Variants in HERC1 observed in about 807,000 individuals in gnomAD.
The protein encoded by HERC1 is probable E3 ubiquitin-protein ligase HERC1.
A neutral mutation model predicts 554.3 loss-of-function variants in HERC1; 160 were observed. The observed-to-expected ratio is 0.29, with a 90% confidence interval of 0.25 to 0.33. The LOEUF (loss-of-function observed/expected upper bound fraction) is 0.33. Among genes scored for constraint, HERC1 ranks in the 10% least tolerant of loss-of-function variants. The pLI is 1.00. For synonymous variants in HERC1, 2,175 were observed against 2,131.7 expected, an observed-to-expected ratio of 1.02 and a Z score of -0.56; for missense variants, 4,919 against 5,918.5, an observed-to-expected ratio of 0.83 and a Z score of 5.54.
intron 27 of HERC1, 52 bp downstream of exon 27, chr15:63,696,072 G>T (rs2072395895): frequency 1.5e-6 from 2 of 1,304,620 alleles, no homozygotes; most frequent in Non-Finnish European, 1.1e-6. Context: ...TTATTAAAGT[G>T]GCTTTGTAAA....
At position 63,687,304 on chromosome 15, in the gene HERC1, C is replaced by A. The variant is rs570241528; in HGVS notation, c.6049-769G>T. Reference sequence around the variant, plus strand: ...CTTGTAATCCCAGCAATTTGAGAGACCGAAGCGGGCGGATCACAAGGTCAG... The same window carrying A: ...CTTGTAATCCCAGCAATTTGAGAGAACGAAGCGGGCGGATCACAAGGTCAG... On this transcript the variant is annotated intron_variant, in intron 33 of 77. Transcript: ENST00000443617. 2.0e-3 allele frequency among the ~76,000 whole-genome samples: 305 copies of A among 152,240 alleles called. 1 individual carries two copies. The highest frequency in any genetic ancestry group is 6.4e-3 in the African/African-American group (267 of 41,536).
chr15:63,635,530 G>A (rs949358944), intron 65 of HERC1, among the ~76,000 whole-genome samples: 4 of 152,132 alleles, frequency 2.6e-5, no homozygotes, highest in Non-Finnish European at 5.9e-5. Flanking sequence ...TAAACTATAA[G>A]GTGCTATACA....
In HERC1 at chr15:63,713,563, G is replaced by A. The variant is rs1407232897; in HGVS notation, c.4253C>T (p.Pro1418Leu). 3 of 1,613,824 alleles carry A rather than the reference G, an allele frequency of 1.9e-6. No homozygotes were observed. Among genetic ancestry groups the A allele is most frequent in the Non-Finnish European group, 2.5e-6 (3 of 1,179,882 alleles). Reference protein sequence around the residue: ...AGSGARADDPPPQSQQERRVS... With the variant: ...AGSGARADDPLPQSQQERRVS... The stretch of plus-strand genomic sequence containing the variant: ...CCTTCGCTCTTGCTGAGACTGAGGA[G>A]GTGGATCATCAGCTCGAGCCCCAGA... The change falls in exon 23 of 78, where the codon CCT becomes CTT. Residue 1418 changes from proline (P) to leucine (L), a missense_variant. This residue lies in a region of HERC1 where 1,121 missense variants were observed against 1,244.0 expected (regional missense o/e 0.90). Transcript: ENST00000443617.
At chr15:63,614,525 A>G (rs1000159348) in intron 76 of HERC1, among the ~76,000 whole-genome samples, 8 of 152,226 alleles carry the variant, frequency 5.3e-5, no homozygotes, top group Non-Finnish European at 1.0e-4. Context: ...TAGGCTAAAG[A>G]TATCATTTTT....
chr15:63,721,323 A>G (rs1003628238), intron 19 of HERC1, among the ~76,000 whole-genome samples: 5 of 152,178 alleles, frequency 3.3e-5, no homozygotes, highest in African/African-American at 1.2e-4. Context: ...CACGAGTTCG[A>G]GACCAGCCAT....
At chr15:63,786,123 G>C (rs1325208122) in intron 1 of HERC1, among the ~76,000 whole-genome samples, 1 of 152,154 alleles carries the variant, frequency 6.6e-6, no homozygotes, top group African/African-American at 2.4e-5. Flanking sequence ...CAAGCTAGAT[G>C]CACTGCAGTG....
intron 37 of HERC1, among the ~76,000 whole-genome samples, chr15:63,675,848 C>T (rs747659863): frequency 3.3e-5 from 5 of 151,082 alleles, no homozygotes; most frequent in African/African-American, 1.2e-4. Flanking sequence ...TTCCTCTAGG[C>T]TCATTTTTCT....
intron 1 of HERC1, among the ~76,000 whole-genome samples, chr15:63,795,903 T>C (rs915444419): frequency 2.6e-5 from 4 of 152,158 alleles, no homozygotes; most frequent in Admixed American, 2.0e-4. Context: ...AGTTAACTTG[T>C]GGAATGCTGA....
intron 44 of HERC1, 43 bp downstream of exon 44, chr15:63,662,941 C>T: frequency 6.8e-7 from 1 of 1,469,758 alleles, no homozygotes; most frequent in Non-Finnish European, 9.5e-7. Flanking sequence ...AACAGGAGGG[C>T]AGGAAAATAA....
At chr15:63,770,615 C>G (rs888182878) in intron 2 of HERC1, among the ~76,000 whole-genome samples, 10 of 152,138 alleles carry the variant, frequency 6.6e-5, no homozygotes, top group Non-Finnish European at 1.5e-4. Context: ...ATTGTGTGTT[C>G]CCACCAAATT....
At chr15:63,664,805 A>G (rs182452902) in intron 42 of HERC1, among the ~76,000 whole-genome samples, 6 of 152,330 alleles carry the variant, frequency 3.9e-5, no homozygotes, top group Admixed American at 6.5e-5. Flanking sequence ...CTGATTTTGA[A>G]TTCTTCCAAC....
chr15:63,640,199 C>T lies in HERC1; in HGVS notation c.11854G>A (p.Val3952Ile), dbSNP rs773829145. The change falls in exon 61 of 78, where the codon GTT becomes ATT. Residue 3952 changes from valine to isoleucine, a missense_variant. Physicochemically the swap from Val to Ile is conservative, Grantham distance 29. Around this residue, in one of 11 missense-constraint regions of HERC1, gnomAD observed 1,963 missense variants for 2,228.6 expected, o/e 0.88. Transcript: ENST00000443617. ...NGAQFPESFT[V>I]PDLEPVPEDE... The stretch of plus-strand genomic sequence containing the variant: ...TCTGGAACAGGTTCTAGATCTGGAA[C>T]GGTAAAAGATTCTGGAAACTGGGCT... The T allele has an allele frequency of 2.2e-5, 35 of 1,613,778 alleles. No homozygotes were observed. Among genetic ancestry groups the T allele is most frequent in the South Asian group, 2.1e-4 (19 of 91,090 alleles).
At chr15:63,652,356 T>A (rs1019661951) in intron 52 of HERC1, 58 bp downstream of exon 52, 1 of 1,501,070 alleles carries the variant, frequency 6.7e-7, no homozygotes, top group African/African-American at 1.4e-5. Context: ...ACAACCAAGA[T>A]GAGGCATGTT....
chr15:63,723,566 T>C (rs775381884), intron 18 of HERC1, among the ~76,000 whole-genome samples: 1 of 152,204 alleles, frequency 6.6e-6, no homozygotes, highest in Non-Finnish European at 1.5e-5. Context: ...CTACCAATTG[T>C]GACACTCCAA....
intron 59 of HERC1, among the ~76,000 whole-genome samples, chr15:63,642,302 G>A (rs1232371199): frequency 6.6e-6 from 1 of 152,144 alleles, no homozygotes; most frequent in Non-Finnish European, 1.5e-5. Flanking sequence ...AAATGTCTTT[G>A]CAATGCTTCT....
intron 60 of HERC1, 56 bp from the exon 61 acceptor site, chr15:63,640,501 A>G: frequency 7.3e-7 from 1 of 1,376,726 alleles, no homozygotes; most frequent in Non-Finnish European, 1.0e-6. Flanking sequence ...AATATTCTAA[A>G]TTAACCTACC....
intron 24 of HERC1, among the ~76,000 whole-genome samples, chr15:63,712,401 T>C (rs1442238353): frequency 1.3e-5 from 2 of 152,166 alleles, no homozygotes; most frequent in African/African-American, 2.4e-5. Context: ...GAGTCAAGGA[T>C]GATCCCAAGT....
In HERC1 at chr15:63,824,717, T is replaced by C. The variant is rs2077825428; in HGVS notation, c.-27+9110A>G. On this transcript the variant is annotated intron_variant, in intron 1 of 77. Transcript: ENST00000443617. ...CTACACGTCTGTCAGTGGATGGCTC[T>C]ATAAAGAAATTGTGATACAAACACA... Among the ~76,000 whole-genome samples, 4 of 152,032 alleles carry C rather than the reference T, an allele frequency of 2.6e-5. No individual in the cohort carries two copies. The South Asian group carries it at 8.3e-4, about 32-fold the overall frequency.
At position 63,680,543 on chromosome 15, in the gene HERC1, A is replaced by G. The variant is rs1483836976; in HGVS notation, c.6459T>C (p.Asn2153=). ...MEARTISFGK[N]GEEPKLAFED... is the part of the protein sequence containing the mutation. Reference sequence around the variant, plus strand: ...TGTGAATGGGTGTCGGTACCTCTCCATTTTTCCCAAAAGAAATGGTCCTGG... The same window carrying G: ...TGTGAATGGGTGTCGGTACCTCTCCGTTTTTCCCAAAAGAAATGGTCCTGG... The change falls in exon 35 of 78, where the codon AAT becomes AAC. Residue 2153 remains asparagine (N), a synonymous_variant. Transcript: ENST00000443617. This position sits in a 1 kb window ranked among gnomAD's most constrained non-coding sequence, Gnocchi z 5.8. 1.2e-6 allele frequency: 2 copies of G among 1,613,564 alleles called. No individual in the cohort carries two copies. Among genetic ancestry groups the G allele is most frequent in the Admixed American group, 1.7e-5 (1 of 59,982 alleles).
Sources: allele counts gnomAD v4.1 joint callset (sites outside exome capture counted in the v4.1 genomes callset), GRCh38; gene constraint gnomAD v4.1.1; regional missense constraint gnomAD v4.1.1; non-coding constraint Gnocchi (gnomAD v3.1); transcripts MANE v1.5; gene names NCBI Gene and HGNC (gene_info 2026-07-23, HGNC 2026-07-21).